HFM1: variants seen among roughly 807,000 people sequenced by gnomAD.
HFM1 encodes the protein probable ATP-dependent DNA helicase HFM1.
Under a neutral mutation model 192.1 loss-of-function variants are expected in HFM1, and 169 were observed. That is an observed-to-expected ratio of 0.88 (90% confidence interval 0.78 to 1.00). The LOEUF is 1.00. HFM1 is among the 50% of genes least tolerant of loss of function. HFM1 has a pLI of 0.00. For missense variants in HFM1, 1,661 were observed against 1,668.0 expected, an observed-to-expected ratio of 1.00 and a Z score of 0.07; for synonymous variants, 525 against 537.8, an observed-to-expected ratio of 0.98 and a Z score of 0.33.
upstream of HFM1, among the ~76,000 whole-genome samples, chr1:91,407,194 C>G (rs1024509241): frequency 6.6e-6 from 1 of 151,842 alleles, no homozygotes; most frequent in African/African-American, 2.4e-5. Flanking sequence ...ACTTCACACA[C>G]TGGGGCCCGT....
intron 30 of HFM1, among the ~76,000 whole-genome samples, chr1:91,280,170 T>C (rs1178163481): frequency 6.6e-6 from 1 of 152,132 alleles, no homozygotes; most frequent in East Asian, 1.9e-4. Context: ...TCATGCTATG[T>C]GGTAACAGGT....
chr1:91,297,082 C>T (rs1045987694), intron 30 of HFM1, among the ~76,000 whole-genome samples: 3 of 152,154 alleles, frequency 2.0e-5, no homozygotes, highest in Non-Finnish European at 4.4e-5. Flanking sequence ...AAAATCGGGT[C>T]ACTCCCACCC....
rs1050177779 is a variant in HFM1 at position 91,323,014 on chromosome 1, ATGGCAAAAC to A, written c.2535-26_2535-18del. ...ATTGGAAATCTGTAAATAAAACCAC[ATGGCAAAAC>A]ATTTATTATTATTTATTTTAATTAA... On this transcript the variant is annotated intron_variant, in intron 22 of 38. Coordinates refer to ENST00000370425, the MANE Select transcript of HFM1 (RefSeq NM_001017975.6). 2 of 1,362,492 alleles carry A rather than the reference ATGGCAAAAC, an allele frequency of 1.5e-6. No individual in the cohort carries two copies. The highest frequency in any genetic ancestry group is 2.0e-6 in the Non-Finnish European group (2 of 1,013,296). 84.4% of individuals were successfully genotyped at this position (1,362,492 alleles called of 1,614,324 possible).
rs1661126717 is a variant in HFM1, at chr1:91,378,138, C to T, written c.1282G>A (p.Val428Ile). The change falls in exon 11 of 39, where the codon GTA becomes ATA. Residue 428 changes from valine to isoleucine, a missense_variant. By Grantham distance (29) the Val-to-Ile change is conservative. Transcript: ENST00000370425. ...DENRGPTLEV[V>I]VSRMKTVQSV... ...TGTACAGTTTTCATTCTGCTAACTA[C>T]AACTTCAAGAGTTGGACCACGATTT... The T allele has an allele frequency of 6.2e-7, 1 of 1,609,986 alleles. No homozygotes were observed. The highest frequency in any genetic ancestry group is 8.5e-7 in the Non-Finnish European group (1 of 1,178,532).
At chr1:91,329,539 C>T in intron 20 of HFM1, 3 of 1,427,050 alleles carry the variant, frequency 2.1e-6, no homozygotes, top group Non-Finnish European at 2.8e-6. Context: ...CCCATTATAC[C>T]TCCTTGACAC....
At chr1:91,287,261 G>A (rs1325719272) in intron 30 of HFM1, among the ~76,000 whole-genome samples, 1 of 152,230 alleles carries the variant, frequency 6.6e-6, no homozygotes, top group Non-Finnish European at 1.5e-5. Flanking sequence ...AAATGTCCCT[G>A]TCTGACAGCT....
intron 30 of HFM1, among the ~76,000 whole-genome samples, chr1:91,302,447 G>T (rs2101045487): frequency 6.6e-6 from 1 of 152,144 alleles, no homozygotes; most frequent in Admixed American, 6.5e-5. Context: ...ATATCCAAAG[G>T]ATTATAAAAC....
At chr1:91,374,412 G>A (rs1660652616) in intron 13 of HFM1, among the ~76,000 whole-genome samples, 2 of 152,146 alleles carry the variant, frequency 1.3e-5, no homozygotes. Flanking sequence ...GGATAAGAGA[G>A]TGTGTGTGTA....
chr1:91,397,888 A>T (rs143401990), intron 2 of HFM1, among the ~76,000 whole-genome samples: 122 of 152,334 alleles, frequency 8.0e-4, no homozygotes, highest in African/African-American at 2.7e-3. Flanking sequence ...AAAGAAGGGA[A>T]GCTCTTCAGG....
At chr1:91,351,980 A>G (rs1176732388) in intron 16 of HFM1, among the ~76,000 whole-genome samples, 4 of 152,004 alleles carry the variant, frequency 2.6e-5, no homozygotes, top group Admixed American at 2.6e-4. Flanking sequence ...GTACAACATA[A>G]TATTTACAAA....
intron 1 of HFM1, among the ~76,000 whole-genome samples, chr1:91,403,114 G>C (rs1664477391): frequency 1.3e-5 from 2 of 151,972 alleles, no homozygotes; most frequent in Admixed American, 1.3e-4. Flanking sequence ...TTTCTTCATA[G>C]CATGAACTGA....
intron 18 of HFM1, among the ~76,000 whole-genome samples, chr1:91,348,508 T>C (rs1264963071): frequency 6.6e-6 from 1 of 152,006 alleles, no homozygotes; most frequent in Non-Finnish European, 1.5e-5. Context: ...AAATGAAGGG[T>C]TTTTTTGCTG....
chr1:91,288,947 G>GGT (rs1234404499), intron 30 of HFM1, among the ~76,000 whole-genome samples: 1 of 151,666 alleles, frequency 6.6e-6, no homozygotes, highest in East Asian at 2.0e-4. Context: ...TCCCAGACGG[G>GGT]CCGGCCGGGC....
intron 13 of HFM1, among the ~76,000 whole-genome samples, chr1:91,370,425 C>A (rs151316599): frequency 1.3e-5 from 2 of 152,066 alleles, no homozygotes; most frequent in Non-Finnish European, 2.9e-5. Context: ...GGGATGCAAG[C>A]CTGGTTCAAC....
intron 20 of HFM1, among the ~76,000 whole-genome samples, chr1:91,343,171 C>T (rs980525131): frequency 4.8e-5 from 6 of 125,592 alleles, no homozygotes; most frequent in Non-Finnish European, 9.4e-5. Context: ...GCGGAGCTTG[C>T]ATTGAGCTGA....
intron 13 of HFM1, among the ~76,000 whole-genome samples, chr1:91,373,202 C>T (rs978556187): frequency 6.6e-6 from 1 of 150,914 alleles, no homozygotes; most frequent in Non-Finnish European, 1.5e-5. Context: ...AGGCTTGCTA[C>T]ATATCTTTGG....
At chr1:91,405,305 CAACATGAATTTAT>C (rs1664748681), upstream of HFM1, among the ~76,000 whole-genome samples, 1 of 152,078 alleles carries the variant, frequency 6.6e-6, no homozygotes, top group African/African-American at 2.4e-5. Flanking sequence ...TGTGTTTAGC[CAACATGAATTTAT>C]AAAAACAGGG....
At chr1:91,324,578 A>G (rs1444918690) in intron 21 of HFM1, 97 bp downstream of exon 21, 1 of 646,298 alleles carries the variant, frequency 1.5e-6, no homozygotes, top group Non-Finnish European at 2.7e-6. Context: ...CTGCTCATTC[A>G]TTCTTAAATT....
At chr1:91,338,940 C>T (rs1175241941) in intron 20 of HFM1, 4 of 455,868 alleles carry the variant, frequency 8.8e-6, no homozygotes, top group African/African-American at 4.0e-5. Flanking sequence ...CCCTCCAGTG[C>T]AGCAGGTACT....
Sources: gnomAD v4.1 joint callset for allele counts (sites outside exome capture counted in the v4.1 genomes callset) on GRCh38, gnomAD v4.1.1 for gene constraint, MANE v1.5 for transcripts, NCBI Gene and HGNC (gene_info 2026-07-23, HGNC 2026-07-21) for gene names.